EVA1C: variants seen among roughly 807,000 people sequenced by gnomAD.
EVA1C encodes protein eva-1 homolog C.
A neutral mutation model predicts 45.4 loss-of-function variants in EVA1C; 25 were observed. The observed-to-expected ratio is 0.55, with a 90% CI of 0.40 to 0.77. The LOEUF (loss-of-function observed/expected upper bound fraction) is 0.77. EVA1C is among the 30% of genes least tolerant of loss of function. The pLI is 0.00. For missense variants in EVA1C, 479 were observed against 554.8 expected (o/e 0.86, Z 1.37); for synonymous variants, 190 against 221.2 (o/e 0.86, Z 1.25).
At chr21:32,414,876 T>C (rs2033974651) in intron 1 of EVA1C, among the ~76,000 whole-genome samples, 1 of 152,104 alleles carries the variant, frequency 6.6e-6, no homozygotes, top group Non-Finnish European at 1.5e-5. Flanking sequence ...TCAGAAGCCT[T>C]TTGGGGAGAA....
chr21:32,455,926 C>G lies in EVA1C; in HGVS notation c.358-1671C>G, dbSNP rs374993248. Among the ~76,000 whole-genome samples the G allele has an allele frequency of 3.5e-3, 538 of 152,224 alleles. 7 individuals carry two copies. Among genetic ancestry groups the G allele is most frequent in the African/African-American group, 0.012 (507 of 41,556 alleles). On this transcript the variant is annotated intron_variant, in intron 2 of 7. Transcript: ENST00000300255. ...TGTTTGTTTGAGACGGAGTTTCACT[C>G]TTGTTGCCCAGGCTGGAGTGCAATG...
intron 1 of EVA1C, among the ~76,000 whole-genome samples, chr21:32,443,568 G>A (rs1474547482): frequency 1.3e-5 from 2 of 151,942 alleles, no homozygotes; most frequent in East Asian, 3.9e-4. Flanking sequence ...AACCCTTACA[G>A]TATAATTGTA....
chr21:32,455,067 T>C (rs1358445886), intron 2 of EVA1C, among the ~76,000 whole-genome samples: 1 of 152,170 alleles, frequency 6.6e-6, no homozygotes, highest in Non-Finnish European at 1.5e-5. Context: ...TGAGCCTGGG[T>C]AATTCATAAG....
intron 1 of EVA1C, among the ~76,000 whole-genome samples, chr21:32,449,130 TAC>T (rs560172634): frequency 2.3e-3 from 351 of 152,164 alleles, no homozygotes; most frequent in Non-Finnish European, 3.6e-3. Context: ...GCCACACACA[TAC>T]ACACACACGT....
intron 4 of EVA1C, chr21:32,473,928 C>T (rs112488786): frequency 1.3e-5 from 13 of 985,398 alleles, no homozygotes; most frequent in African/African-American, 5.2e-5. Context: ...TTTTGTGCCA[C>T]GGAGCACAGG....
intron 1 of EVA1C, among the ~76,000 whole-genome samples, chr21:32,442,236 C>T (rs1016063968): frequency 1.3e-5 from 2 of 152,196 alleles, no homozygotes; most frequent in Non-Finnish European, 2.9e-5. Context: ...TCATAGCTAT[C>T]CTTGGTCATC....
chr21:32,442,356 A>T (rs1486628382), intron 1 of EVA1C, among the ~76,000 whole-genome samples: 1 of 152,146 alleles, frequency 6.6e-6, no homozygotes, highest in East Asian at 1.9e-4. Context: ...GACTAGAGGA[A>T]GGACTTAAAC....
chr21:32,480,418 G>A (rs368257331), intron 4 of EVA1C, among the ~76,000 whole-genome samples: 30 of 152,112 alleles, frequency 2.0e-4, no homozygotes, highest in African/African-American at 7.2e-4. Flanking sequence ...GGAAAGTGTA[G>A]CATACAAAGT....
chr21:32,429,276 G>A (rs969003292), intron 1 of EVA1C, among the ~76,000 whole-genome samples: 2 of 151,980 alleles, frequency 1.3e-5, no homozygotes, highest in African/African-American at 4.8e-5. Context: ...CCTGACCTCA[G>A]GTAATCCTCC....
chr21:32,457,650 C>T lies in EVA1C; in HGVS notation c.411C>T (p.Ser137=), dbSNP rs755556540. 6.2e-6 allele frequency: 10 copies of T among 1,614,098 alleles called. No individual in the cohort carries two copies. The highest frequency in any genetic ancestry group is 1.1e-5 in the South Asian group (1 of 91,076). Residue 137 remains serine, a synonymous_variant, in exon 3 of 8, where the codon AGC becomes AGT. Coordinates refer to ENST00000300255, the MANE Select transcript of EVA1C (RefSeq NM_058187.5). ...GGGCCTGCCACCTCCTGGTCAATAGCCGTGTTTTTGGACCTGACCTTTGTC... is the reference window on the plus strand; with the variant it reads ...GGGCCTGCCACCTCCTGGTCAATAGTCGTGTTTTTGGACCTGACCTTTGTC... ...NQRACHLLVN[S]RVFGPDLCPG... is the part of the protein sequence containing the mutation.
intron 1 of EVA1C, among the ~76,000 whole-genome samples, chr21:32,415,796 C>T (rs1305172984): frequency 6.6e-6 from 1 of 152,186 alleles, no homozygotes; most frequent in Non-Finnish European, 1.5e-5. Context: ...ATCATCACTG[C>T]ATTAAAAATG....
chr21:32,488,587 C>CATTTTT (rs34049195), intron 4 of EVA1C, among the ~76,000 whole-genome samples: 3 of 148,054 alleles, frequency 2.0e-5, no homozygotes, highest in Non-Finnish European at 3.0e-5. Context: ...AGCTGTTGGC[C>CATTTTT]TTTTTTTTTT....
intron 1 of EVA1C, among the ~76,000 whole-genome samples, chr21:32,438,844 A>G (rs1303914758): frequency 6.6e-6 from 1 of 152,172 alleles, no homozygotes; most frequent in African/African-American, 2.4e-5. Flanking sequence ...GTGGTGAAGA[A>G]AACAGAAGTC....
intron 3 of EVA1C, among the ~76,000 whole-genome samples, chr21:32,462,244 A>AT: frequency 1.3e-5 from 2 of 151,006 alleles, no homozygotes; most frequent in Middle Eastern, 3.5e-3. Flanking sequence ...AAAAAAAACA[A>AT]TTAGCAGGGC....
intron 1 of EVA1C, among the ~76,000 whole-genome samples, chr21:32,439,485 G>A (rs1349519641): frequency 5.3e-5 from 8 of 152,122 alleles, no homozygotes; most frequent in East Asian, 3.8e-4. Flanking sequence ...CTGTCAACCC[G>A]GCCTCCTGTG....
At chr21:32,415,118 T>G (rs1222829374) in intron 1 of EVA1C, among the ~76,000 whole-genome samples, 2 of 152,138 alleles carry the variant, frequency 1.3e-5, no homozygotes, top group East Asian at 3.8e-4. Context: ...GCGAACCCCA[T>G]GTGGCCTCAA....
At chr21:32,471,561 G>C (rs1408436488) in intron 4 of EVA1C, among the ~76,000 whole-genome samples, 1 of 151,664 alleles carries the variant, frequency 6.6e-6, no homozygotes, top group East Asian at 1.9e-4. Flanking sequence ...TCTGACCTCA[G>C]GTGATCCACC....
rs554837244 is a variant in EVA1C, at chr21:32,459,384, C to A, written c.481+1664C>A. On this transcript the variant is annotated intron_variant, in intron 3 of 7. Transcript: ENST00000300255. ...GCCTCAGTCAACAGACTCAGGAAAT[C>A]ACATCAAGATCTCAGTGTTCTTCCT... 5.9e-5 allele frequency among the ~76,000 whole-genome samples: 9 copies of A among 152,354 alleles called. No individual in the cohort carries two copies. The East Asian group carries it at 1.5e-3, about 26-fold the overall frequency.
chr21:32,484,410 G>A (rs552526747), intron 4 of EVA1C, among the ~76,000 whole-genome samples: 2 of 152,250 alleles, frequency 1.3e-5, no homozygotes, highest in East Asian at 3.9e-4. Flanking sequence ...CAGGCGCAGT[G>A]GCGTGTGCCT....
Sources: gnomAD v4.1 joint callset for allele counts (sites outside exome capture counted in the v4.1 genomes callset) on GRCh38, gnomAD v4.1.1 for gene constraint, MANE v1.5 for transcripts, NCBI Gene and HGNC (gene_info 2026-07-23, HGNC 2026-07-21) for gene names.